The following RGPD8 variants were observed in gnomAD, a reference collection of about 807,000 sequenced individuals.
The protein encoded by RGPD8 is RANBP2 like and GRIP domain containing 8.
RGPD8 carries 15 observed loss-of-function variants against 89.1 expected under a neutral mutation model. The ratio of observed to expected loss-of-function variants is 0.17; its 90% CI spans 0.11 to 0.26. The LOEUF (loss-of-function observed/expected upper bound fraction) is 0.26. Ranked by LOEUF, RGPD8 falls within the 10% of genes least tolerant of loss-of-function variation. RGPD8 has a pLI of 1.00. For missense variants in RGPD8, 178 were observed against 1,179.6 expected, an observed-to-expected ratio of 0.15 and a Z score of 12.44; for synonymous variants, 62 against 420.9, an observed-to-expected ratio of 0.15 and a Z score of 10.44.
At chr2:112,432,773 C>T (rs1255421586) in intron 1 of RGPD8, among the ~76,000 whole-genome samples, 3 of 152,132 alleles carry the variant, frequency 2.0e-5, no homozygotes, top group African/African-American at 7.2e-5. Context: ...GGGAACAAAC[C>T]GGGAGAAAGA....
chr2:112,379,324 T>C (rs1284213312), intron 21 of RGPD8, among the ~76,000 whole-genome samples: 5 of 151,440 alleles, frequency 3.3e-5, no homozygotes, highest in African/African-American at 1.2e-4. Flanking sequence ...TGGCCAGGCG[T>C]GGTGGCTCAT....
intron 21 of RGPD8, among the ~76,000 whole-genome samples, chr2:112,380,381 C>T (rs554753814): frequency 7.1e-5 from 9 of 126,322 alleles, no homozygotes; most frequent in South Asian, 2.9e-4. Flanking sequence ...TGGCTGGATG[C>T]GGTGGCTCAC....
At chr2:112,374,858 C>CTTTTTTT (rs780008775) in intron 22 of RGPD8, among the ~76,000 whole-genome samples, 3 of 103,420 alleles carry the variant, frequency 2.9e-5, no homozygotes, top group African/African-American at 1.2e-4. Context: ...AGTTTACATT[C>CTTTTTTT]TTTTTTTTTT....
chr2:112,425,653 G>C (rs1489721244), intron 1 of RGPD8, among the ~76,000 whole-genome samples: 4 of 151,658 alleles, frequency 2.6e-5, no homozygotes, highest in Non-Finnish European at 5.9e-5. Context: ...CCCGCTGCTT[G>C]GGAGGCTGAG....
At chr2:112,429,174 A>T in intron 1 of RGPD8, among the ~76,000 whole-genome samples, 1 of 151,896 alleles carries the variant, frequency 6.6e-6, no homozygotes, top group Non-Finnish European at 1.5e-5. Flanking sequence ...TAATCCCAGC[A>T]CTTTGGGAGG....
chr2:112,388,914 A>G lies in RGPD8; in HGVS notation c.4031T>C (p.Val1344Ala). The G allele has an allele frequency of 2.0e-6, 1 of 508,576 alleles. No homozygotes were observed. The highest frequency in any genetic ancestry group is 3.2e-6 in the Non-Finnish European group (1 of 315,584). The allele number at this position is 508,576 out of a possible 1,614,324, so 31.5% of individuals were successfully genotyped here. A position where few individuals can be genotyped will look rare whatever the true frequency, so the allele number is the denominator to read the frequency against. The change falls in exon 20 of 23, where the codon GTT becomes GCT. Residue 1344 changes from valine to alanine, a missense_variant. Val to Ala is a moderately conservative substitution (Grantham distance 64, BLOSUM62 0). Coordinates refer to ENST00000302558, the MANE Select transcript of RGPD8 (RefSeq NM_001164463.1). ...ATTTTCCTCACCACTGGATACTTCA[A>G]CTAGATCAGGTAAAGGAACAACAGG... ...FEPVVPLPDL[V>A]EVSSGEENEQ...
intron 7 of RGPD8, among the ~76,000 whole-genome samples, chr2:112,411,295 TGGTGGC>T (rs1424853573): frequency 5.8e-5 from 8 of 137,898 alleles, no homozygotes; most frequent in African/African-American, 1.9e-4. Flanking sequence ...AGGCCAGGCA[TGGTGGC>T]TCATGTCTGT....
intron 6 of RGPD8, 132 bp downstream of exon 6, chr2:112,417,061 T>C: frequency 6.3e-7 from 1 of 1,581,266 alleles, no homozygotes; most frequent in Admixed American, 1.7e-5. Context: ...TCCTAGCGGT[T>C]CACTGTATTA....
At chr2:112,416,346 G>A (rs1679417038) in intron 6 of RGPD8, among the ~76,000 whole-genome samples, 4 of 151,678 alleles carry the variant, frequency 2.6e-5, no homozygotes, top group Admixed American at 2.6e-4. Flanking sequence ...TGCACTCAGT[G>A]AAATGAACTT....
chr2:112,431,931 C>A (rs1437188590), intron 1 of RGPD8, among the ~76,000 whole-genome samples: 1 of 152,372 alleles, frequency 6.6e-6, no homozygotes, highest in South Asian at 2.1e-4. Flanking sequence ...TGAGCCACTG[C>A]GCCCGGCCAA....
At chr2:112,411,182 T>C (rs1679178930) in intron 7 of RGPD8, among the ~76,000 whole-genome samples, 1 of 152,364 alleles carries the variant, frequency 6.6e-6, no homozygotes, top group Admixed American at 6.5e-5. Context: ...TCTCTAAAAT[T>C]AATCATCTTT....
rs1678679616 is a variant in RGPD8, at chr2:112,391,002, T to G, written c.2670A>C (p.Arg890Ser). ...SPAYNSQYLLRPAANVTPTKG... is the reference protein window; with the variant it reads ...SPAYNSQYLLSPAANVTPTKG... Reference sequence around the variant, plus strand: ...TTGTGGGAGTAACATTAGCTGCTGGTCTGAGAAGATACTGGGAATTATATG... The same window carrying G: ...TTGTGGGAGTAACATTAGCTGCTGGGCTGAGAAGATACTGGGAATTATATG... Residue 890 changes from arginine (R) to serine (S), a missense_variant, in exon 19 of 23, where the codon AGA becomes AGC. Coordinates refer to ENST00000302558, the MANE Select transcript of RGPD8 (RefSeq NM_001164463.1). 6.4e-7 allele frequency: 1 copy of G among 1,555,464 alleles called. No individual in the cohort carries two copies.
chr2:112,411,123 C>T (rs1679173247), intron 7 of RGPD8, among the ~76,000 whole-genome samples: 1 of 152,300 alleles, frequency 6.6e-6, no homozygotes, highest in Non-Finnish European at 1.5e-5. Context: ...GAGGGGCCTT[C>T]TCTAAAAGTA....
chr2:112,424,445 T>C (rs1679672872), intron 1 of RGPD8, 138 bp from the exon 2 acceptor site: 1 of 1,067,530 alleles, frequency 9.4e-7, no homozygotes, highest in South Asian at 1.6e-5. Flanking sequence ...TAGAGCTGGG[T>C]GCAGCGGCTC....
intron 22 of RGPD8, among the ~76,000 whole-genome samples, chr2:112,376,570 C>T (rs1241115387): frequency 7.5e-6 from 1 of 132,632 alleles, no homozygotes; most frequent in South Asian, 2.6e-4. Context: ...AATCCCAGCA[C>T]TTTGGGAGGC....
In RGPD8 at chr2:112,433,631, G is replaced by A; in HGVS notation, c.-178C>T. ...GCCCACTGTGACGAACCTGCGTTCT[G>A]CCTCAGCACTGTGTATCCTCGGGGA... On this transcript the variant is annotated 5_prime_UTR_variant, in exon 1 of 23. Coordinates refer to ENST00000302558, the MANE Select transcript of RGPD8 (RefSeq NM_001164463.1). 1.3e-6 allele frequency: 1 copy of A among 748,416 alleles called. No individual in the cohort carries two copies. The highest frequency in any genetic ancestry group is 1.9e-5 in the South Asian group (1 of 53,584). The allele number at this position is 748,416 out of a possible 1,614,324, so 46.4% of individuals were successfully genotyped here.
intron 6 of RGPD8, among the ~76,000 whole-genome samples, chr2:112,415,857 T>G (rs1221052075): frequency 6.8e-6 from 1 of 146,204 alleles, no homozygotes. Flanking sequence ...CATGCCAACC[T>G]GGCGAGAGCA....
intron 20 of RGPD8, 101 bp downstream of exon 20, chr2:112,387,923 A>G: frequency 1.6e-6 from 1 of 620,390 alleles, no homozygotes; most frequent in African/African-American, 1.9e-5. Context: ...TTCACAAAGC[A>G]TCGTTTATAT....
chr2:112,430,355 C>G (rs1679973295), intron 1 of RGPD8, among the ~76,000 whole-genome samples: 1 of 152,186 alleles, frequency 6.6e-6, no homozygotes, highest in Non-Finnish European at 1.5e-5. Context: ...TCAAACCTAA[C>G]TTTACAGAAT....
Sources: gnomAD v4.1 joint callset for allele counts (sites outside exome capture counted in the v4.1 genomes callset) on GRCh38, gnomAD v4.1.1 for gene constraint, MANE v1.5 for transcripts, NCBI Gene and HGNC (gene_info 2026-07-23, HGNC 2026-07-21) for gene names.